The following CFAP91 variants were observed in gnomAD, a reference collection of about 807,000 sequenced individuals.
CFAP91 encodes the protein cilia- and flagella-associated protein 91.
CFAP91 carries 85 observed loss-of-function variants against 95.9 expected under a neutral mutation model. The observed-to-expected ratio is 0.89, with a 90% confidence interval of 0.74 to 1.06. CFAP91 has a LOEUF of 1.06. Among genes scored for constraint, CFAP91 ranks in the 50% least tolerant of loss-of-function variants. The pLI is 0.00. For synonymous variants in CFAP91, 335 were observed against 327.5 expected, an observed-to-expected ratio of 1.02 and a Z score of -0.25; for missense variants, 962 against 943.4, an observed-to-expected ratio of 1.02 and a Z score of -0.26.
rs192769120 is a variant in CFAP91 at position 119,708,057 on chromosome 3, G to A, written c.359+496G>A. ...AGCACTTTGGGAGGCCGAGGCAGGC[G>A]GATCATGAGGTCAGGAGATTGAGAC... is the stretch of plus-strand genomic sequence containing the variant. On this transcript the variant is annotated intron_variant, in intron 3 of 17. Coordinates refer to ENST00000273390, the MANE Select transcript of CFAP91 (RefSeq NM_033364.4). 5.7e-4 allele frequency among the ~76,000 whole-genome samples: 86 copies of A among 152,034 alleles called. 2 individuals carry two copies. The South Asian group carries it at 0.017, about 30-fold the overall frequency.
chr3:119,703,109 C>T lies in CFAP91; in HGVS notation c.11C>T (p.Ala4Val). Residue 4 changes from alanine to valine, a missense_variant, in exon 1 of 18, where the codon GCA (alanine) becomes GTA (valine). By Grantham distance (64) the Ala-to-Val change is moderately conservative (BLOSUM62 0). Transcript: ENST00000273390. The part of the protein sequence containing the change: MSH[A>V]VTIEEPQAQP... ...GAAAGAGGCGGCACCATGAGCCACG[C>T]AGTAACCATCGAGGAGCCCCAGGCC... 2 of 1,558,000 alleles carry T rather than the reference C, an allele frequency of 1.3e-6. No individual in the cohort carries two copies. Among genetic ancestry groups the T allele is most frequent in the Non-Finnish European group, 1.7e-6 (2 of 1,150,614 alleles).
At chr3:119,715,307 T>C in intron 5 of CFAP91, 5 of 592,886 alleles carry the variant, frequency 8.4e-6, no homozygotes. Flanking sequence ...GACACACATA[T>C]AAATAGGCAC....
chr3:119,733,561 T>C, intron 10 of CFAP91, 55 bp downstream of exon 10: 1 of 1,568,940 alleles, frequency 6.4e-7, no homozygotes, highest in Middle Eastern at 1.7e-4. Flanking sequence ...TGCAGATAAA[T>C]GCTACACTCC....
intron 6 of CFAP91, among the ~76,000 whole-genome samples, chr3:119,723,932 A>G (rs1296147026): frequency 1.3e-5 from 2 of 152,038 alleles, no homozygotes; most frequent in African/African-American, 2.4e-5. Context: ...GGCTGAAGCT[A>G]GCAGATCACC....
At chr3:119,735,257 C>T (rs1014147477) in intron 10 of CFAP91, among the ~76,000 whole-genome samples, 2 of 151,738 alleles carry the variant, frequency 1.3e-5, no homozygotes, top group African/African-American at 4.8e-5. Context: ...TTAATTTATA[C>T]TCCTATATTT....
intron 16 of CFAP91, 183 bp from the exon 17 acceptor site, chr3:119,750,754 G>A: frequency 1.6e-6 from 1 of 621,472 alleles, no homozygotes; most frequent in South Asian, 1.9e-5. Context: ...GGCAAGCCTG[G>A]TGGAAAGGAG....
intron 15 of CFAP91, 94 bp from the exon 16 acceptor site, chr3:119,747,717 T>A (rs994608266): frequency 1.0e-6 from 1 of 973,006 alleles, no homozygotes; most frequent in South Asian, 1.6e-5. Context: ...GATGGTGGGG[T>A]TTGAATGGAG....
intron 6 of CFAP91, among the ~76,000 whole-genome samples, chr3:119,719,310 G>T (rs868326743): frequency 9.2e-5 from 14 of 152,174 alleles, no homozygotes; most frequent in Middle Eastern, 3.2e-3. Flanking sequence ...TGGGAAGGGA[G>T]TATCATGGGC....
chr3:119,707,209 CT>C (rs577774348), intron 2 of CFAP91, 194 bp from the exon 3 acceptor site: 1 of 520,846 alleles, frequency 1.9e-6, no homozygotes, highest in South Asian at 3.5e-5. Flanking sequence ...CCCCTACCCC[CT>C]CCACATAAAC....
chr3:119,728,172 A>G (rs1445778047), intron 7 of CFAP91, among the ~76,000 whole-genome samples: 2 of 152,208 alleles, frequency 1.3e-5, no homozygotes, highest in Non-Finnish European at 2.9e-5. Flanking sequence ...CAATGATATC[A>G]GATGAAGAAG....
intron 17 of CFAP91, among the ~76,000 whole-genome samples, chr3:119,754,101 G>T (rs1261624875): frequency 1.3e-5 from 2 of 152,178 alleles, no homozygotes; most frequent in African/African-American, 4.8e-5. Flanking sequence ...GAAGAGTTTT[G>T]AGGTACATAC....
chr3:119,762,258 ATACTTACT>A (rs60688814), intron 17 of CFAP91, among the ~76,000 whole-genome samples: 1 of 151,404 alleles, frequency 6.6e-6, no homozygotes, highest in East Asian at 1.9e-4. Flanking sequence ...AAAAAATAAA[ATACTTACT>A]TAGGAGTAAA....
intron 17 of CFAP91, among the ~76,000 whole-genome samples, chr3:119,753,155 T>G (rs552253312): frequency 6.6e-6 from 1 of 152,312 alleles, no homozygotes; most frequent in South Asian, 2.1e-4. Flanking sequence ...GGGTTGGGTC[T>G]GGCATTTGGA....
At chr3:119,753,454 T>C (rs2054364318) in intron 17 of CFAP91, among the ~76,000 whole-genome samples, 1 of 152,226 alleles carries the variant, frequency 6.6e-6, no homozygotes, top group Non-Finnish European at 1.5e-5. Context: ...CCTTGGTTTC[T>C]ATTGCTTCAA....
At position 119,709,909 on chromosome 3, in the gene CFAP91, ATTTGAAAACTCT is replaced by A; in HGVS notation, c.500+18_500+29del. On this transcript the variant is annotated intron_variant, in intron 5 of 17. Coordinates refer to ENST00000273390, the MANE Select transcript of CFAP91 (RefSeq NM_033364.4). ...TGCCGTATCCAAGTAAGTAACCATT[ATTTGAAAACTCT>A]TTTTCAGTTTATTTATTGTTTGCTT... The A allele has an allele frequency of 6.3e-7, 1 of 1,583,614 alleles. No homozygotes were observed. Among genetic ancestry groups the A allele is most frequent in the Admixed American group, 1.7e-5 (1 of 59,646 alleles).
rs1200630947 is a variant in CFAP91, at chr3:119,709,830, T to C, written c.444-9T>C. 6.2e-7 allele frequency: 1 copy of C among 1,607,852 alleles called. No homozygotes were observed. Among genetic ancestry groups the C allele is most frequent in the African/African-American group, 1.3e-5 (1 of 74,894 alleles). On this transcript the variant is annotated splice_polypyrimidine_tract_variant and intron_variant, in intron 4 of 17. Coordinates refer to ENST00000273390, the MANE Select transcript of CFAP91 (RefSeq NM_033364.4). ...GTCCCACACATTTATGTTTTCTTTT[T>C]CCTCCCAGGCCTTTTCTCCCATTTT...
intron 14 of CFAP91, 55 bp from the exon 15 acceptor site, chr3:119,747,060 T>C: frequency 7.4e-7 from 1 of 1,356,728 alleles, no homozygotes; most frequent in Non-Finnish European, 9.9e-7. Flanking sequence ...GTATTTTTCT[T>C]GTGTTGTTTA....
intron 3 of CFAP91, among the ~76,000 whole-genome samples, chr3:119,708,144 G>T (rs998624469): frequency 2.0e-5 from 3 of 151,900 alleles, no homozygotes; most frequent in African/African-American, 7.3e-5. Context: ...AGCCGGGTGT[G>T]GTGGCAGGTG....
In CFAP91 at chr3:119,709,725, T is replaced by G; in HGVS notation, c.444-114T>G. 5 of 780,152 alleles carry G rather than the reference T, an allele frequency of 6.4e-6. No individual in the cohort carries two copies. The South Asian group carries it at 7.6e-5, about 12-fold the overall frequency. 48.3% of individuals were successfully genotyped at this position (780,152 alleles called of 1,614,324 possible). A position where few individuals can be genotyped will look rare whatever the true frequency, so the allele number is the denominator to read the frequency against. On this transcript the variant is annotated intron_variant, in intron 4 of 17. Transcript: ENST00000273390. Reference sequence around the variant, plus strand: ...TCCAGAAGTTTGAGTAACACTGATATATGGGATATTTAAGCTCACTGATTT... The same window carrying G: ...TCCAGAAGTTTGAGTAACACTGATAGATGGGATATTTAAGCTCACTGATTT...
Sources: allele counts gnomAD v4.1 joint callset (sites outside exome capture counted in the v4.1 genomes callset), GRCh38; gene constraint gnomAD v4.1.1; transcripts MANE v1.5; gene names NCBI Gene and HGNC (gene_info 2026-07-23, HGNC 2026-07-21).